ARHGAP6: variants seen among roughly 807,000 people sequenced by gnomAD.
ARHGAP6 encodes the protein rho GTPase-activating protein 6.
A neutral mutation model predicts 55.7 loss-of-function variants in ARHGAP6; 16 were observed. The ratio of observed to expected loss-of-function variants is 0.29; its 90% CI spans 0.19 to 0.44. ARHGAP6 has a LOEUF of 0.44. Among genes scored for constraint, ARHGAP6 ranks in the 20% least tolerant of loss-of-function variants. ARHGAP6 has a pLI of 1.00. For synonymous variants in ARHGAP6, 382 were observed against 360.9 expected (o/e 1.06, Z -0.66); for missense variants, 698 against 808.9 (o/e 0.86, Z 1.66).
At chrX:11,539,746 A>G (rs1191321809) in intron 1 of ARHGAP6, among the ~76,000 whole-genome samples, 1 of 111,807 alleles carries the variant, frequency 8.9e-6, no homozygotes, top group Non-Finnish European at 1.9e-5. Context: ...TGGGAATAGA[A>G]AAAGGAATGT....
intron 2 of ARHGAP6, among the ~76,000 whole-genome samples, chrX:11,209,861 C>T (rs2046764614): frequency 8.9e-6 from 1 of 111,869 alleles, no homozygotes; most frequent in African/African-American, 3.3e-5. Flanking sequence ...TGAGGGTCAC[C>T]ACTGGGATTT....
At chrX:11,351,047 TACACACACACACACACACAC>T (rs35026703) in intron 1 of ARHGAP6, among the ~76,000 whole-genome samples, 4 of 87,963 alleles carry the variant, frequency 4.5e-5, no homozygotes, top group Admixed American at 2.5e-4. Context: ...ATATTCAAAT[TACACACACACACACACACAC>T]ACACACACAC....
chrX:11,414,445 T>C (rs968093986), intron 1 of ARHGAP6, among the ~76,000 whole-genome samples: 8 of 110,455 alleles, frequency 7.2e-5, no homozygotes, highest in Non-Finnish European at 1.1e-4. Context: ...CAGGCAGTTG[T>C]CTGGATTTGG....
intron 1 of ARHGAP6, among the ~76,000 whole-genome samples, chrX:11,663,975 C>G (rs1406775894): frequency 8.9e-6 from 1 of 112,744 alleles, no homozygotes; most frequent in African/African-American, 3.2e-5. Context: ...GCAGCACTAA[C>G]AGAAAACCAG....
At chrX:11,557,566 A>G (rs1222796066) in intron 1 of ARHGAP6, among the ~76,000 whole-genome samples, 2 of 111,974 alleles carry the variant, frequency 1.8e-5, no homozygotes, top group East Asian at 2.8e-4. Flanking sequence ...GAGCCAAAAC[A>G]TGAACAAAAT....
chrX:11,579,575 G>A (rs1479880810), intron 1 of ARHGAP6, among the ~76,000 whole-genome samples: 1 of 111,906 alleles, frequency 8.9e-6, no homozygotes, highest in East Asian at 2.8e-4. Context: ...ATTTCCCATA[G>A]TCCTTCTTAC....
intron 2 of ARHGAP6, among the ~76,000 whole-genome samples, chrX:11,198,383 T>C (rs1281939566): frequency 1.8e-5 from 2 of 112,112 alleles, no homozygotes; most frequent in Admixed American, 1.9e-4. Context: ...TTCATAGATA[T>C]GAACAACATC....
intron 1 of ARHGAP6, among the ~76,000 whole-genome samples, chrX:11,590,473 T>C (rs2051792443): frequency 9.1e-6 from 1 of 109,351 alleles, no homozygotes; most frequent in South Asian, 3.8e-4. Context: ...AAAAAATGAA[T>C]GAATACAAAT....
Position 11,178,229 on chromosome X carries a change from C to A in ARHGAP6, c.1500G>T (p.Gln500His). ...ATATGAGGAGCTGCAAGGTGCCCAG[C>A]TGTTCCTCCGGCTCCAACACTAAGC... Reference protein sequence around the residue: ...INTLLLEPEEQLGTLQLLIYL... With the variant: ...INTLLLEPEEHLGTLQLLIYL... The change falls in exon 8 of 13, where the codon CAG becomes CAT. Residue 500 changes from glutamine (Q) to histidine (H), a missense_variant. Physicochemically the swap from Gln to His is conservative, Grantham distance 24. This residue lies in a region of ARHGAP6 where 322 missense variants were observed against 451.1 expected (regional missense o/e 0.71). Transcript: ENST00000337414. 8.3e-7 allele frequency: 1 copy of A among 1,207,965 alleles called. No homozygotes were observed. Among genetic ancestry groups the A allele is most frequent in the Non-Finnish European group, 1.1e-6 (1 of 893,679 alleles).
At chrX:11,555,782 T>C (rs2051314782) in intron 1 of ARHGAP6, among the ~76,000 whole-genome samples, 1 of 110,528 alleles carries the variant, frequency 9.0e-6, no homozygotes, top group East Asian at 2.9e-4. Context: ...CACAGTGATA[T>C]TTGGGGGAAA....
chrX:11,156,164 G>A (rs952957591), intron 10 of ARHGAP6, among the ~76,000 whole-genome samples: 6 of 112,353 alleles, frequency 5.3e-5, no homozygotes, highest in African/African-American at 9.7e-5. Flanking sequence ...GCATCCAGGC[G>A]CAGCCTTAAG....
intron 1 of ARHGAP6, among the ~76,000 whole-genome samples, chrX:11,569,507 A>G (rs1339949753): frequency 1.8e-5 from 2 of 111,526 alleles, no homozygotes; most frequent in East Asian, 5.6e-4. Flanking sequence ...TTATGTCTTA[A>G]TAATGTGTAA....
chrX:11,390,698 T>A (rs368789758), intron 1 of ARHGAP6, among the ~76,000 whole-genome samples: 125 of 111,362 alleles, frequency 1.1e-3, no homozygotes, highest in Non-Finnish European at 1.6e-3. Flanking sequence ...ATGCAGCCAA[T>A]ACACACATGA....
At chrX:11,222,600 A>C (rs941847147) in intron 2 of ARHGAP6, among the ~76,000 whole-genome samples, 5 of 112,318 alleles carry the variant, frequency 4.5e-5, no homozygotes, top group Non-Finnish European at 9.4e-5. Flanking sequence ...AAAATATTTC[A>C]AACGTGTTTT....
At chrX:11,470,095 G>A (rs1273879126) in intron 1 of ARHGAP6, among the ~76,000 whole-genome samples, 2 of 112,025 alleles carry the variant, frequency 1.8e-5, no homozygotes, top group Non-Finnish European at 3.8e-5. Flanking sequence ...GGCTAGCACA[G>A]TTAACCAAAT....
intron 1 of ARHGAP6, among the ~76,000 whole-genome samples, chrX:11,286,209 A>G (rs2047919690): frequency 8.9e-6 from 1 of 111,896 alleles, no homozygotes; most frequent in Non-Finnish European, 1.9e-5. Flanking sequence ...ATGTCTTTTT[A>G]TTTCCATAGG....
intron 1 of ARHGAP6, among the ~76,000 whole-genome samples, chrX:11,344,413 C>T (rs143670518): frequency 0.017 from 1,865 of 110,794 alleles, 18 homozygotes; most frequent in Non-Finnish European, 0.028. Context: ...TGGCTCACGC[C>T]TGTAATCACA....
At position 11,425,326 on chromosome X, in the gene ARHGAP6, G is replaced by A. The variant is rs904146971; in HGVS notation, c.589-170619C>T. 2.7e-5 allele frequency among the ~76,000 whole-genome samples: 3 copies of A among 112,091 alleles called. No individual in the cohort carries two copies. In the Admixed American group the frequency reaches 2.8e-4, roughly 11 times the overall value. On this transcript the variant is annotated intron_variant, in intron 1 of 12. Coordinates refer to ENST00000337414, the MANE Select transcript of ARHGAP6 (RefSeq NM_013427.3). The stretch of plus-strand genomic sequence containing the variant: ...ATATTTGTGCTAAACGGCAAAACAA[G>A]CTCTGGAATTATCAAAACCCAAATG...
intron 1 of ARHGAP6, among the ~76,000 whole-genome samples, chrX:11,414,369 T>C (rs2049723394): frequency 9.0e-6 from 1 of 111,558 alleles, no homozygotes; most frequent in Non-Finnish European, 1.9e-5. Context: ...GATATTCTTC[T>C]TTTGGTATTT....
Sources: allele counts gnomAD v4.1 joint callset (sites outside exome capture counted in the v4.1 genomes callset), GRCh38; gene constraint gnomAD v4.1.1; regional missense constraint gnomAD v4.1.1; transcripts MANE v1.5; gene names NCBI Gene and HGNC (gene_info 2026-07-23, HGNC 2026-07-21).